LHX4: variants seen among roughly 807,000 people sequenced by gnomAD.
LHX4 encodes the protein LIM/homeobox protein Lhx4.
Under a neutral mutation model 39.2 loss-of-function variants are expected in LHX4, and 16 were observed. The ratio of observed to expected loss-of-function variants is 0.41; its 90% CI spans 0.28 to 0.62. The LOEUF (loss-of-function observed/expected upper bound fraction) is 0.62. LHX4 is among the 20% of genes least tolerant of loss of function. LHX4 has a pLI of 0.33. For synonymous variants in LHX4, 206 were observed against 198.1 expected (o/e 1.04, Z -0.33); for missense variants, 439 against 511.9 (o/e 0.86, Z 1.37).
At chr1:180,230,176 G>A, upstream of LHX4, 1 of 383,900 alleles carries the variant, frequency 2.6e-6, no homozygotes, top group Non-Finnish European at 4.9e-6. The surrounding 1 kb of genome is among the most constrained non-coding windows in gnomAD (Gnocchi z 5.8). Context: ...AAAACGCCCG[G>A]GTGACCGCGG....
At position 180,230,573 on chromosome 1, in the gene LHX4, G is replaced by T; in HGVS notation, c.44G>T (p.Gly15Val). The change falls in exon 1 of 6, where the codon GGG becomes GTG. Residue 15 changes from glycine to valine, a missense_variant. Coordinates refer to ENST00000263726, the MANE Select transcript of LHX4 (RefSeq NM_033343.4). The surrounding 1 kb of genome is among the most constrained non-coding windows in gnomAD (Gnocchi z 5.8). ...GTCCCCGCGGAAGGGGCTGTCAAGG[G>T]GCTCCCGGAGATGCTAGGTGTGCCG... is the stretch of plus-strand genomic sequence containing the variant. Reference protein sequence around the residue: ...ATVPAEGAVKGLPEMLGVPMQ... With the variant: ...ATVPAEGAVKVLPEMLGVPMQ... 1 of 1,614,004 alleles carries T rather than the reference G, an allele frequency of 6.2e-7. No homozygotes were observed. The highest frequency in any genetic ancestry group is 8.5e-7 in the Non-Finnish European group (1 of 1,180,000).
At chr1:180,273,960 G>A in intron 5 of LHX4, 1 of 582,168 alleles carries the variant, frequency 1.7e-6, no homozygotes, top group Non-Finnish European at 3.1e-6. Flanking sequence ...ATCCTTCTGG[G>A]ACCTGGGAAT....
In LHX4 at chr1:180,234,356, C is replaced by A. The variant is rs951332860; in HGVS notation, c.76+3751C>A. Among the ~76,000 whole-genome samples the A allele has an allele frequency of 6.6e-6, 1 of 152,004 alleles. No homozygotes were observed. The highest frequency in any genetic ancestry group is 2.4e-5 in the African/African-American group (1 of 41,398). Reference sequence around the variant, plus strand: ...TACAGATGAGGTCAGCTGTCCCCGCCGGCCGATTCGGGCCTGATGGGTTGG... The same window carrying A: ...TACAGATGAGGTCAGCTGTCCCCGCAGGCCGATTCGGGCCTGATGGGTTGG... On this transcript the variant is annotated intron_variant, in intron 1 of 5. Coordinates refer to ENST00000263726, the MANE Select transcript of LHX4 (RefSeq NM_033343.4). This position sits in a 1 kb window ranked among gnomAD's most constrained non-coding sequence, Gnocchi z 4.8.
At chr1:180,229,137 T>C (rs542971488), upstream of LHX4, among the ~76,000 whole-genome samples, 92 of 152,348 alleles carry the variant, frequency 6.0e-4, no homozygotes, top group African/African-American at 2.1e-3. Context: ...TACCTGTCCA[T>C]GCATCTCGTA....
intron 2 of LHX4, among the ~76,000 whole-genome samples, chr1:180,250,798 C>T (rs976679042): frequency 2.5e-4 from 38 of 152,120 alleles, no homozygotes; most frequent in African/African-American, 7.2e-4. Flanking sequence ...GCAGCGCAGG[C>T]GTGGGGTTGG....
chr1:180,261,699 C>T (rs191840268), intron 2 of LHX4, among the ~76,000 whole-genome samples: 47 of 152,278 alleles, frequency 3.1e-4, no homozygotes, highest in Middle Eastern at 3.4e-3. Flanking sequence ...AACTAACTGC[C>T]TTCACTGAAA....
intron 2 of LHX4, among the ~76,000 whole-genome samples, chr1:180,251,699 C>T (rs1339668340): frequency 6.6e-6 from 1 of 152,150 alleles, no homozygotes; most frequent in Non-Finnish European, 1.5e-5. Flanking sequence ...TGAGGGAGGC[C>T]CAGGCTGCTT....
At chr1:180,248,170 T>C (rs1647460486) in intron 1 of LHX4, 115 bp from the exon 2 acceptor site, 3 of 925,432 alleles carry the variant, frequency 3.2e-6, no homozygotes, top group Non-Finnish European at 5.2e-6. Flanking sequence ...GCTCTGCGGT[T>C]TGGGCCATGT....
At position 180,230,688 on chromosome 1, in the gene LHX4, C is replaced by T; in HGVS notation, c.76+83C>T. On this transcript the variant is annotated intron_variant, in intron 1 of 5. Transcript: ENST00000263726. The surrounding 1 kb of genome is among the most constrained non-coding windows in gnomAD (Gnocchi z 5.8). ...CCGCTGCGGGGCGGGCCGGACGCCG[C>T]TCAGGGGCCGGGAGGGGCTGGCGGC... 1.5e-6 allele frequency: 2 copies of T among 1,362,410 alleles called. No homozygotes were observed. The highest frequency in any genetic ancestry group is 2.1e-6 in the Non-Finnish European group (2 of 963,474). The allele number at this position is 1,362,410 out of a possible 1,614,324, so 84.4% of individuals were successfully genotyped here.
Position 180,276,792 on chromosome 1 carries a change from GTT to G in LHX4, c.*2217_*2218del, listed in dbSNP as rs1383650732. On this transcript the variant is annotated 3_prime_UTR_variant, in exon 6 of 6. Transcript: ENST00000263726. ...TCATGGGATTTCAGAGGCCCTTGAA[GTT>G]TTTGGTGAGTATAGTGTGGGGGAGA... 6.8e-6 allele frequency: 1 copy of G among 148,018 alleles called. No homozygotes were observed. Among genetic ancestry groups the G allele is most frequent in the African/African-American group, 2.5e-5 (1 of 40,106 alleles). The allele number at this position is 148,018 out of a possible 1,614,324, so 9.2% of individuals were successfully genotyped here.
At chr1:180,267,676 G>T (rs890617976) in intron 3 of LHX4, among the ~76,000 whole-genome samples, 8 of 152,146 alleles carry the variant, frequency 5.3e-5, no homozygotes, top group Admixed American at 4.6e-4. Context: ...GTGTTACTGT[G>T]CAAAAACGGC....
At chr1:180,256,480 G>C (rs1220059747) in intron 2 of LHX4, among the ~76,000 whole-genome samples, 1 of 152,218 alleles carries the variant, frequency 6.6e-6, no homozygotes, top group Non-Finnish European at 1.5e-5. Context: ...AGGTCAGCCT[G>C]GGGGCCTCTC....
At chr1:180,268,639 G>A (rs951335121) in intron 3 of LHX4, among the ~76,000 whole-genome samples, 1 of 152,210 alleles carries the variant, frequency 6.6e-6, no homozygotes, top group East Asian at 1.9e-4. Context: ...GATGAGGCTT[G>A]TGAAATGGGA....
chr1:180,237,310 G>A (rs1014125348), intron 1 of LHX4, among the ~76,000 whole-genome samples: 1 of 152,188 alleles, frequency 6.6e-6, no homozygotes. Context: ...AAGCACAGGT[G>A]CTGGGTATAG....
rs1649115692 is a variant in LHX4 at position 180,277,674 on chromosome 1, T to G, written c.*3095T>G. 1 of 152,206 alleles carries G rather than the reference T, an allele frequency of 6.6e-6. No homozygotes were observed. Among genetic ancestry groups the G allele is most frequent in the African/African-American group, 2.4e-5 (1 of 41,442 alleles). 9.4% of individuals were successfully genotyped at this position (152,206 alleles called of 1,614,324 possible). A position where few individuals can be genotyped will look rare whatever the true frequency, so the allele number is the denominator to read the frequency against. On this transcript the variant is annotated 3_prime_UTR_variant, in exon 6 of 6. Coordinates refer to ENST00000263726, the MANE Select transcript of LHX4 (RefSeq NM_033343.4). ...GTCAGGTTCTTGGCCCTTCAAGGAC[T>G]TGCTATGCAACCTCAGGCAAATTCC...
chr1:180,250,646 G>C (rs1647589580), intron 2 of LHX4, among the ~76,000 whole-genome samples: 1 of 152,186 alleles, frequency 6.6e-6, no homozygotes, highest in African/African-American at 2.4e-5. Flanking sequence ...TATGAGCAAA[G>C]CCTGGCAGGG....
In LHX4 at chr1:180,253,468, C is replaced by T. The variant is rs780874687; in HGVS notation, c.248+5012C>T. Among the ~76,000 whole-genome samples the T allele has an allele frequency of 6.6e-5, 10 of 152,230 alleles. 1 individual carries two copies. The highest frequency in any genetic ancestry group is 9.6e-5 in the African/African-American group (4 of 41,458). ...TCTCTGAGCATCTATGTCCTCTTCA[C>T]AGTGCCTGTCTAAGAGCCCTGGCAC... On this transcript the variant is annotated intron_variant, in intron 2 of 5. Coordinates refer to ENST00000263726, the MANE Select transcript of LHX4 (RefSeq NM_033343.4).
At position 180,271,490 on chromosome 1, in the gene LHX4, G is replaced by T; in HGVS notation, c.562G>T (p.Glu188Ter). 1 of 1,614,208 alleles carries T rather than the reference G, an allele frequency of 6.2e-7. No homozygotes were observed. The highest frequency in any genetic ancestry group is 8.5e-7 in the Non-Finnish European group (1 of 1,180,034). The change falls in exon 4 of 6, where the codon GAG becomes TAG. Residue 188 changes from glutamate (E) to a stop codon, truncating the protein, a stop_gained. Coordinates refer to ENST00000263726, the MANE Select transcript of LHX4 (RefSeq NM_033343.4). LOFTEE classifies it high-confidence loss of function. The part of the protein sequence containing the change: ...NSPKPARHVR[E>*]QLSSETGLDM... ...CCCCAAGCCTGCCCGGCACGTGAGG[G>T]AGCAGCTGTCCTCAGAGACAGGCCT...
chr1:180,268,808 C>T (rs1648450268), intron 3 of LHX4, among the ~76,000 whole-genome samples: 1 of 152,186 alleles, frequency 6.6e-6, no homozygotes, highest in Non-Finnish European at 1.5e-5. Context: ...CTCCTCTGTC[C>T]TGGGCAATCG....
Sources: gnomAD v4.1 joint callset for allele counts (sites outside exome capture counted in the v4.1 genomes callset) on GRCh38, gnomAD v4.1.1 for gene constraint, Gnocchi (gnomAD v3.1) non-coding constraint, MANE v1.5 for transcripts, NCBI Gene and HGNC (gene_info 2026-07-23, HGNC 2026-07-21) for gene names.